FSTL5: variants seen among roughly 807,000 people sequenced by gnomAD.
FSTL5 encodes the protein follistatin-related protein 5.
In FSTL5, 62 loss-of-function variants were observed where a neutral mutation model predicts 89.1. The ratio of observed to expected loss-of-function variants is 0.70; its 90% CI spans 0.57 to 0.86. FSTL5 has a LOEUF of 0.86. Ranked by LOEUF, FSTL5 falls within the 40% of genes least tolerant of loss-of-function variation. The pLI is 0.00. For missense variants in FSTL5, 1,057 were observed against 1,001.6 expected, an observed-to-expected ratio of 1.06 and a Z score of -0.75; for synonymous variants, 383 against 346.2, an observed-to-expected ratio of 1.11 and a Z score of -1.18.
At chr4:161,669,123 A>AAAAAAAAAAT (rs1553956609) in intron 6 of FSTL5, among the ~76,000 whole-genome samples, 2 of 144,150 alleles carry the variant, frequency 1.4e-5, no homozygotes, top group African/African-American at 5.1e-5. Context: ...AAAAAAAAAA[A>AAAAAAAAAAT]AAAATAAAAT....
chr4:161,498,550 C>A (rs1730174181), intron 12 of FSTL5, among the ~76,000 whole-genome samples: 1 of 152,046 alleles, frequency 6.6e-6, no homozygotes, highest in Non-Finnish European at 1.5e-5. Flanking sequence ...ATTTCACAGC[C>A]TATCTTATTA....
At chr4:161,846,321 C>T (rs2126876362) in intron 4 of FSTL5, among the ~76,000 whole-genome samples, 1 of 152,018 alleles carries the variant, frequency 6.6e-6, no homozygotes, top group South Asian at 2.1e-4. Flanking sequence ...ATTCTATAAT[C>T]ATATAATCAA....
chr4:161,865,243 A>G lies in FSTL5; in HGVS notation c.409+55161T>C, dbSNP rs544137168. On this transcript the variant is annotated intron_variant, in intron 4 of 15. Transcript: ENST00000306100. ...GAAAACAATCAGAGACTGTCAAGAG[A>G]TAAAAAGCGACCAAGAGTTTTAAGT... Among the ~76,000 whole-genome samples, 56 of 152,288 alleles carry G rather than the reference A, an allele frequency of 3.7e-4. 1 individual carries two copies. Among genetic ancestry groups the G allele is most frequent in the Non-Finnish European group, 4.4e-5 (3 of 68,030 alleles).
At chr4:161,485,302 A>G (rs1215415669) in intron 12 of FSTL5, among the ~76,000 whole-genome samples, 1 of 152,224 alleles carries the variant, frequency 6.6e-6, no homozygotes, top group African/African-American at 2.4e-5. Context: ...ATGTGGCTTC[A>G]GAAAAGCCAA....
intron 3 of FSTL5, among the ~76,000 whole-genome samples, chr4:161,923,814 G>T (rs1311591869): frequency 6.6e-6 from 1 of 151,550 alleles, no homozygotes; most frequent in African/African-American, 2.4e-5. Context: ...CTAGTTCAGA[G>T]ATTTATATTA....
intron 1 of FSTL5, among the ~76,000 whole-genome samples, chr4:162,118,272 T>A (rs1228812368): frequency 1.4e-5 from 2 of 138,152 alleles, no homozygotes; most frequent in Non-Finnish European, 3.2e-5. Flanking sequence ...AAGAGTCTTT[T>A]TTTTTTTTGA....
In FSTL5 at chr4:161,626,751, G is replaced by A. The variant is rs534900561; in HGVS notation, c.894+29577C>T. 2.6e-5 allele frequency among the ~76,000 whole-genome samples: 4 copies of A among 152,294 alleles called. No homozygotes were observed. The East Asian group carries it at 7.7e-4, about 29-fold the overall frequency. The stretch of plus-strand genomic sequence containing the variant: ...GAAAGGATTCACCATTCTTGATGCC[G>A]TTAAGAACATTCATGATTTATGCCA... On this transcript the variant is annotated intron_variant, in intron 7 of 15. Coordinates refer to ENST00000306100, the MANE Select transcript of FSTL5 (RefSeq NM_020116.5).
intron 6 of FSTL5, among the ~76,000 whole-genome samples, chr4:161,696,646 C>A (rs1738181211): frequency 6.6e-6 from 1 of 151,958 alleles, no homozygotes; most frequent in Admixed American, 6.6e-5. Context: ...TTATAGTTTC[C>A]CTTGTAGAGG....
chr4:161,437,798 A>G (rs1303982704), intron 15 of FSTL5, among the ~76,000 whole-genome samples: 1 of 152,086 alleles, frequency 6.6e-6, no homozygotes, highest in Non-Finnish European at 1.5e-5. Context: ...GATTTTCCAC[A>G]TGGAAGCAGA....
intron 4 of FSTL5, among the ~76,000 whole-genome samples, chr4:161,883,134 G>T (rs1209946599): frequency 6.6e-6 from 1 of 152,036 alleles, no homozygotes; most frequent in Non-Finnish European, 1.5e-5. Flanking sequence ...TCATAAACCA[G>T]AAGATAAAAG....
intron 1 of FSTL5, among the ~76,000 whole-genome samples, chr4:162,112,828 C>A (rs912555990): frequency 5.4e-5 from 8 of 148,066 alleles, no homozygotes; most frequent in Admixed American, 2.0e-4. Flanking sequence ...AGTGGGCATT[C>A]CTAATCCATT....
intron 2 of FSTL5, among the ~76,000 whole-genome samples, chr4:162,078,796 A>T (rs1729971348): frequency 6.6e-6 from 1 of 151,820 alleles, no homozygotes; most frequent in South Asian, 2.1e-4. Flanking sequence ...AGTCACAGGC[A>T]CAAAACATCT....
chr4:162,153,473 G>T (rs1339346987), intron 1 of FSTL5, among the ~76,000 whole-genome samples: 2 of 150,906 alleles, frequency 1.3e-5, no homozygotes, highest in East Asian at 3.9e-4. Flanking sequence ...TACAGAGAGG[G>T]TAGGGCAGGT....
Position 161,459,285 on chromosome 4 carries a change from T to A in FSTL5, c.1643A>T (p.His548Leu), listed in dbSNP as rs767226714. 1 of 1,613,372 alleles carries A rather than the reference T, an allele frequency of 6.2e-7. No homozygotes were observed. Among genetic ancestry groups the A allele is most frequent in the African/African-American group, 1.3e-5 (1 of 74,902 alleles). ...GACCTGATCATGTGATTTGTCATAG[T>A]GTAATTTAACTGGGACAGGGTCTGT... ...VSTDPVPVKL[H>L]YDKSHDQVWV... is the part of the protein sequence containing the mutation. Residue 548 changes from histidine (H) to leucine (L), a missense_variant, in exon 14 of 16, where the codon CAC (histidine) becomes CTC (leucine). Physicochemically the swap from His to Leu is moderately conservative, Grantham distance 99. This residue lies in a region of FSTL5 where 980 missense variants were observed against 903.2 expected (regional missense o/e 1.08). Transcript: ENST00000306100.
chr4:162,051,044 T>C (rs1738362253), intron 2 of FSTL5, among the ~76,000 whole-genome samples: 1 of 151,612 alleles, frequency 6.6e-6, no homozygotes, highest in African/African-American at 2.4e-5. Context: ...GGTCTAGTAA[T>C]GTATTGTCTT....
chr4:161,452,183 T>C lies in FSTL5; in HGVS notation c.1841+2821A>G, dbSNP rs186081808. Among the ~76,000 whole-genome samples, 211 of 152,144 alleles carry C rather than the reference T, an allele frequency of 1.4e-3. 1 individual carries two copies. Among genetic ancestry groups the C allele is most frequent in the Admixed American group, 0.013 (196 of 15,288 alleles). On this transcript the variant is annotated intron_variant, in intron 15 of 15. Transcript: ENST00000306100. ...ACTACATGCTGAATTTGCTTAGAAA[T>C]ATACTATATGGGCCAGGTACGGTGG... is the stretch of plus-strand genomic sequence containing the variant.
intron 14 of FSTL5, among the ~76,000 whole-genome samples, chr4:161,456,545 T>A (rs1228584447): frequency 6.6e-6 from 1 of 152,236 alleles, no homozygotes; most frequent in Non-Finnish European, 1.5e-5. Flanking sequence ...CTCTTCCAGC[T>A]TAATCTTTTA....
chr4:162,030,364 T>TG (rs1560980310), intron 3 of FSTL5, among the ~76,000 whole-genome samples: 4 of 152,098 alleles, frequency 2.6e-5, no homozygotes, highest in African/African-American at 9.7e-5. Flanking sequence ...TAGATACTTA[T>TG]GAAAATATAA....
chr4:161,419,623 T>C (rs980952165), intron 15 of FSTL5, among the ~76,000 whole-genome samples: 1 of 152,174 alleles, frequency 6.6e-6, no homozygotes, highest in African/African-American at 2.4e-5. Flanking sequence ...ACTTTTCTAA[T>C]GAAAATTAGA....
Sources: allele counts gnomAD v4.1 joint callset (sites outside exome capture counted in the v4.1 genomes callset), GRCh38; gene constraint gnomAD v4.1.1; regional missense constraint gnomAD v4.1.1; transcripts MANE v1.5; gene names NCBI Gene and HGNC (gene_info 2026-07-23, HGNC 2026-07-21).